The following OR8J1 variants were observed in gnomAD, a reference collection of about 807,000 sequenced individuals.
OR8J1 encodes the protein olfactory receptor 8J1.
For missense variants in OR8J1, 400 were observed against 373.0 expected, an observed-to-expected ratio of 1.07 and a Z score of -0.60; for synonymous variants, 157 against 144.3, an observed-to-expected ratio of 1.09 and a Z score of -0.63.
intron 1 of OR8J1, among the ~76,000 whole-genome samples, chr11:56,354,692 G>A (rs570971961): frequency 6.6e-6 from 1 of 152,262 alleles, no homozygotes; most frequent in African/African-American, 2.4e-5. Flanking sequence ...TAGCCTATGA[G>A]AGAAAACTGG....
Position 56,360,892 on chromosome 11 carries a change from G to T in OR8J1, c.646G>T (p.Val216Leu). The T allele has an allele frequency of 1.3e-6, 2 of 1,491,348 alleles. No homozygotes were observed. The highest frequency in any genetic ancestry group is 1.8e-6 in the Non-Finnish European group (2 of 1,124,694). 92.4% of individuals were successfully genotyped at this position (1,491,348 alleles called of 1,614,324 possible). Residue 216 changes from valine (V) to leucine (L), a missense_variant, in exon 2 of 2, where the codon GTA becomes TTA. By Grantham distance (32) the Val-to-Leu change is conservative. Transcript: ENST00000533152. ...NVVGSLIIVL[V>L]SYFNIVLSIL... ...GGTTGGTTCCTTGATTATAGTTCTA[G>T]TATCTTATTTCAATATTGTTTTGTC...
At chr11:56,355,365 C>A (rs776648967) in intron 1 of OR8J1, among the ~76,000 whole-genome samples, 3 of 151,928 alleles carry the variant, frequency 2.0e-5, no homozygotes, top group Non-Finnish European at 4.4e-5. Flanking sequence ...ACCAGGCATG[C>A]TGGCTTACTA....
At chr11:56,357,703 G>A in intron 1 of OR8J1, 10 of 1,585,442 alleles carry the variant, frequency 6.3e-6, no homozygotes, top group African/African-American at 1.3e-5. Context: ...GAGGCGACTA[G>A]TGATGAATAC....
Position 56,360,514 on chromosome 11 carries a change from A to G in OR8J1, c.268A>G (p.Lys90Glu). 2 of 1,614,174 alleles carry G rather than the reference A, an allele frequency of 1.2e-6. No individual in the cohort carries two copies. The highest frequency in any genetic ancestry group is 1.1e-5 in the South Asian group (1 of 91,076). The change falls in exon 2 of 2, where the codon AAA (lysine) becomes GAA (glutamate). Residue 90 changes from lysine (K) to glutamate (E), a missense_variant. Coordinates refer to ENST00000533152, the MANE Select transcript of OR8J1 (RefSeq NM_001005205.3). ...KMLINFLVKK[K>E]TTSFYECATQ... The stretch of plus-strand genomic sequence containing the variant: ...GCTGATTAACTTTTTAGTAAAGAAG[A>G]AAACTACCTCATTCTATGAATGTGC...
In OR8J1 at chr11:56,361,023, T is replaced by G; in HGVS notation, c.777T>G (p.Tyr259Ter). 1 of 1,500,246 alleles carries G rather than the reference T, an allele frequency of 6.7e-7. No individual in the cohort carries two copies. Among genetic ancestry groups the G allele is most frequent in the Non-Finnish European group, 8.8e-7 (1 of 1,132,852 alleles). 92.9% of individuals were successfully genotyped at this position (1,500,246 alleles called of 1,614,324 possible). ...TIFYGTLLFM[Y>*]VQPRSNHSLD... Reference sequence around the variant, plus strand: ...TTTATGGGACATTGCTATTCATGTATGTGCAGCCCCGAAGTAACCATTCAC... The same window carrying G: ...TTTATGGGACATTGCTATTCATGTAGGTGCAGCCCCGAAGTAACCATTCAC... The change falls in exon 2 of 2, where the codon TAT (tyrosine) becomes TAG (stop). Residue 259 changes from tyrosine to a stop codon, truncating the protein, a stop_gained. Coordinates refer to ENST00000533152, the MANE Select transcript of OR8J1 (RefSeq NM_001005205.3). LOFTEE classifies it low-confidence loss of function (END_TRUNC).
At chr11:56,357,649 T>G (rs1854987723) in intron 1 of OR8J1, 2 of 1,522,946 alleles carry the variant, frequency 1.3e-6, no homozygotes, top group East Asian at 2.2e-5. Context: ...GCCTGCAGGC[T>G]TCTCAATAGG....
At position 56,361,235 on chromosome 11, in the gene OR8J1, T is replaced by C; in HGVS notation, c.*38T>C. On this transcript the variant is annotated 3_prime_UTR_variant, in exon 2 of 2. Coordinates refer to ENST00000533152, the MANE Select transcript of OR8J1 (RefSeq NM_001005205.3). ...CAGGTAAATGAGGAGAGAGTTAATA[T>C]AAGCTGCCATTATGTAAAAGAAAAT... 1 of 848,692 alleles carries C rather than the reference T, an allele frequency of 1.2e-6. No individual in the cohort carries two copies. The highest frequency in any genetic ancestry group is 4.5e-5 in the South Asian group (1 of 22,270). 52.6% of individuals were successfully genotyped at this position (848,692 alleles called of 1,614,324 possible). A position where few individuals can be genotyped will look rare whatever the true frequency, so the allele number is the denominator to read the frequency against.
chr11:56,361,065 G>A lies in OR8J1; in HGVS notation c.819G>A (p.Lys273=), dbSNP rs755781753. The part of the protein sequence containing the change: ...RSNHSLDTDD[K]MASVFYTLVI... ...ACCATTCACTGGATACTGATGATAA[G>A]ATGGCTTCTGTGTTTTACACGTTGG... Residue 273 remains lysine, a synonymous_variant, in exon 2 of 2, where the codon AAG becomes AAA. Transcript: ENST00000533152. 109 of 1,510,962 alleles carry A rather than the reference G, an allele frequency of 7.2e-5. No homozygotes were observed. Among genetic ancestry groups the A allele is most frequent in the Non-Finnish European group, 9.1e-5 (103 of 1,138,026 alleles). 93.6% of individuals were successfully genotyped at this position (1,510,962 alleles called of 1,614,324 possible).
intron 1 of OR8J1, among the ~76,000 whole-genome samples, chr11:56,359,346 T>C (rs1852602122): frequency 6.6e-6 from 1 of 151,840 alleles, no homozygotes; most frequent in Admixed American, 6.5e-5. Flanking sequence ...ATTACAGTGA[T>C]AAAAATATAA....
At chr11:56,359,789 A>G (rs1315981342) in intron 1 of OR8J1, among the ~76,000 whole-genome samples, 1 of 152,194 alleles carries the variant, frequency 6.6e-6, no homozygotes, top group African/African-American at 2.4e-5. Flanking sequence ...AAAATGGGTT[A>G]GGATAGTACC....
chr11:56,357,330 T>G, intron 1 of OR8J1: 2 of 608,020 alleles, frequency 3.3e-6, no homozygotes, highest in East Asian at 2.9e-5. Flanking sequence ...GGACGGAGTT[T>G]GTTAAAGTTG....
intron 1 of OR8J1, among the ~76,000 whole-genome samples, chr11:56,358,865 T>A (rs774957962): frequency 1.3e-5 from 2 of 152,134 alleles, no homozygotes; most frequent in African/African-American, 4.8e-5. Flanking sequence ...ATAAGAAGAT[T>A]ATTTTGAAAA....
intron 1 of OR8J1, among the ~76,000 whole-genome samples, chr11:56,356,740 T>C (rs1854973874): frequency 6.6e-6 from 1 of 152,224 alleles, no homozygotes. Context: ...TTTATCATTA[T>C]CTAGATTGAT....
At chr11:56,357,589 A>C (rs1854987046) in intron 1 of OR8J1, 30 of 1,119,496 alleles carry the variant, frequency 2.7e-5, no homozygotes, top group Non-Finnish European at 2.0e-5. Context: ...TATGGTGTGA[A>C]GGTTGGCCTG....
chr11:56,360,412 C>A lies in OR8J1; in HGVS notation c.166C>A (p.Gln56Lys). ...CCTCACCAGTGTTGACTCTCGACTT[C>A]AAACCCCCATGTACTTTTTCCTGCA... ...ITLTSVDSRL[Q>K]TPMYFFLQHL... Residue 56 changes from glutamine (Q) to lysine (K), a missense_variant, in exon 2 of 2, where the codon CAA becomes AAA. By Grantham distance (53) the Gln-to-Lys change is moderately conservative. Coordinates refer to ENST00000533152, the MANE Select transcript of OR8J1 (RefSeq NM_001005205.3). 6.2e-7 allele frequency: 1 copy of A among 1,614,162 alleles called. No individual in the cohort carries two copies. The highest frequency in any genetic ancestry group is 8.5e-7 in the Non-Finnish European group (1 of 1,180,018).
chr11:56,360,156 G>A, intron 1 of OR8J1, 71 bp from the exon 2 acceptor site: 3 of 983,800 alleles, frequency 3.0e-6, no homozygotes, highest in Admixed American at 2.5e-5. Context: ...TCAGGGAATT[G>A]TCCTAGCCAT....
chr11:56,358,270 T>C (rs1852585249), intron 1 of OR8J1: 1 of 191,522 alleles, frequency 5.2e-6, no homozygotes, highest in South Asian at 1.1e-4. Context: ...AATAAACTTA[T>C]GAACAGCAAC....
At chr11:56,355,008 C>T (rs916506493) in intron 1 of OR8J1, among the ~76,000 whole-genome samples, 3 of 152,000 alleles carry the variant, frequency 2.0e-5, no homozygotes, top group Non-Finnish European at 2.9e-5. Flanking sequence ...CTTTAAGATA[C>T]ACTATCCAAC....
intron 1 of OR8J1, among the ~76,000 whole-genome samples, chr11:56,356,647 G>T (rs1049660236): frequency 6.6e-6 from 1 of 152,044 alleles, no homozygotes; most frequent in East Asian, 1.9e-4. Flanking sequence ...ATCTTCAGTG[G>T]GAAATGATGC....
Sources: allele counts gnomAD v4.1 joint callset (sites outside exome capture counted in the v4.1 genomes callset), GRCh38; gene constraint gnomAD v4.1.1; transcripts MANE v1.5; gene names NCBI Gene and HGNC (gene_info 2026-07-23, HGNC 2026-07-21).